The following PLPPR1 variants were observed in gnomAD, a reference collection of about 807,000 sequenced individuals.
The protein encoded by PLPPR1 is phospholipid phosphatase related 1, also known as phospholipid phosphatase-related protein type 1.
PLPPR1 carries 10 observed loss-of-function variants against 33.1 expected under a neutral mutation model. The ratio of observed to expected loss-of-function variants is 0.30; its 90% CI spans 0.19 to 0.51. The LOEUF (loss-of-function observed/expected upper bound fraction) is 0.51. PLPPR1 is among the 20% of genes least tolerant of loss of function. The probability of loss-of-function intolerance (pLI) is 0.97; values close to 1 mark genes in which losing one functional copy is unlikely to be tolerated. For synonymous variants in PLPPR1, 151 were observed against 151.0 expected (o/e 1.00, Z 0.00); for missense variants, 304 against 408.1 (o/e 0.74, Z 2.20).
intron 2 of PLPPR1, among the ~76,000 whole-genome samples, chr9:101,265,459 T>C (rs536274365): frequency 4.6e-5 from 7 of 152,196 alleles, no homozygotes; most frequent in South Asian, 2.1e-4. Flanking sequence ...ATGGCCTCCC[T>C]CCATGCATTC....
At chr9:101,296,007 G>A (rs1221020362) in intron 4 of PLPPR1, among the ~76,000 whole-genome samples, 1 of 151,552 alleles carries the variant, frequency 6.6e-6, no homozygotes, top group African/African-American at 2.4e-5. Flanking sequence ...CCATCAGAGT[G>A]AACAGGCAAC....
intron 1 of PLPPR1, among the ~76,000 whole-genome samples, chr9:101,184,247 T>G (rs1218310493): frequency 6.6e-6 from 1 of 151,852 alleles, no homozygotes; most frequent in Non-Finnish European, 1.5e-5. Flanking sequence ...ATACTGTGGT[T>G]GGTATGGATT....
intron 1 of PLPPR1, among the ~76,000 whole-genome samples, chr9:101,102,124 A>ACCTTCAAGGAGTTTACAAGC (rs1830909819): frequency 1.2e-5 from 1 of 80,012 alleles, no homozygotes; most frequent in Non-Finnish European, 2.4e-5. Flanking sequence ...TGTGGTTCCT[A>ACCTTCAAGGAGTTTACAAGC]TTATAGCTTT....
chr9:101,318,281 G>GA (rs140693321), intron 7 of PLPPR1, among the ~76,000 whole-genome samples: 1 of 152,066 alleles, frequency 6.6e-6, no homozygotes, highest in Non-Finnish European at 1.5e-5. Context: ...AAATGAAGGG[G>GA]AAAAAAATCT....
At chr9:101,238,268 TATATATACATC>T in intron 2 of PLPPR1, among the ~76,000 whole-genome samples, 1 of 136,318 alleles carries the variant, frequency 7.3e-6, no homozygotes, top group African/African-American at 2.7e-5. Context: ...ATATACACCC[TATATATACATC>T]CTATATACAT....
intron 2 of PLPPR1, among the ~76,000 whole-genome samples, chr9:101,211,296 A>G (rs750276891): frequency 4.6e-5 from 7 of 152,210 alleles, no homozygotes; most frequent in Non-Finnish European, 1.0e-4. Context: ...CATACACACC[A>G]TCATCAAACA....
intron 2 of PLPPR1, among the ~76,000 whole-genome samples, chr9:101,236,230 C>G (rs1459095869): frequency 6.6e-6 from 1 of 151,688 alleles, no homozygotes; most frequent in African/African-American, 2.4e-5. Flanking sequence ...TATCTTTAAA[C>G]AATTCCAAAA....
At chr9:101,193,929 A>G (rs1826345400) in intron 2 of PLPPR1, among the ~76,000 whole-genome samples, 1 of 152,214 alleles carries the variant, frequency 6.6e-6, no homozygotes, top group Non-Finnish European at 1.5e-5. Context: ...GATAACAAAG[A>G]TAGAGTAAGG....
At chr9:101,149,595 G>A (rs1275587580) in intron 1 of PLPPR1, among the ~76,000 whole-genome samples, 4 of 152,196 alleles carry the variant, frequency 2.6e-5, no homozygotes, top group African/African-American at 9.6e-5. Flanking sequence ...CATTTCTTTA[G>A]AATTTTATCC....
At chr9:101,160,938 C>A (rs1831764591) in intron 1 of PLPPR1, among the ~76,000 whole-genome samples, 2 of 152,130 alleles carry the variant, frequency 1.3e-5, no homozygotes, top group Non-Finnish European at 2.9e-5. Context: ...AAACATTATA[C>A]CCCTTCAGCT....
At chr9:101,266,454 A>G (rs991402320) in intron 2 of PLPPR1, among the ~76,000 whole-genome samples, 2 of 151,388 alleles carry the variant, frequency 1.3e-5, no homozygotes, top group Non-Finnish European at 2.9e-5. Context: ...TACAAGGAAG[A>G]GTTTCTGGCT....
intron 2 of PLPPR1, among the ~76,000 whole-genome samples, chr9:101,241,628 A>G (rs954954209): frequency 1.3e-5 from 2 of 152,082 alleles, no homozygotes; most frequent in Non-Finnish European, 2.9e-5. Context: ...CCTTATGGCA[A>G]TGGCTACTCA....
At chr9:101,062,611 A>T (rs1008507077) in intron 1 of PLPPR1, among the ~76,000 whole-genome samples, 1 of 152,116 alleles carries the variant, frequency 6.6e-6, no homozygotes, top group Non-Finnish European at 1.5e-5. Context: ...AGAACATCTT[A>T]TGACACATTG....
intron 1 of PLPPR1, among the ~76,000 whole-genome samples, chr9:101,087,736 G>A (rs1307534931): frequency 6.6e-6 from 1 of 152,206 alleles, no homozygotes; most frequent in East Asian, 1.9e-4. Context: ...GATTATCTGG[G>A]AAGTGGGAAG....
In PLPPR1 at chr9:101,275,428, G is replaced by A. The variant is rs1276880567; in HGVS notation, c.252+5360G>A. 5.9e-5 allele frequency among the ~76,000 whole-genome samples: 9 copies of A among 152,106 alleles called. No homozygotes were observed. In the South Asian group the frequency reaches 8.3e-4, roughly 14 times the overall value. ...AAAGATCAGCATCATATTGAGACACGGCCACATGGGATAAATCGCAAAAGG... is the reference window on the plus strand; with the variant it reads ...AAAGATCAGCATCATATTGAGACACAGCCACATGGGATAAATCGCAAAAGG... On this transcript the variant is annotated intron_variant, in intron 3 of 7. Coordinates refer to ENST00000374874, the MANE Select transcript of PLPPR1 (RefSeq NM_207299.2).
chr9:101,302,795 T>C (rs934885979), intron 4 of PLPPR1, among the ~76,000 whole-genome samples: 2 of 152,190 alleles, frequency 1.3e-5, no homozygotes, highest in African/African-American at 4.8e-5. Context: ...CGTTTTCTCA[T>C]TTTGTGGACA....
At chr9:101,186,742 C>T (rs1203093990) in intron 2 of PLPPR1, among the ~76,000 whole-genome samples, 1 of 151,796 alleles carries the variant, frequency 6.6e-6, no homozygotes, top group Admixed American at 6.6e-5. Flanking sequence ...ACCTTATAGA[C>T]ATTGCTTGGT....
At chr9:101,106,257 A>G (rs865995192) in intron 1 of PLPPR1, among the ~76,000 whole-genome samples, 4 of 139,778 alleles carry the variant, frequency 2.9e-5, no homozygotes, top group African/African-American at 5.6e-5. Flanking sequence ...TGGTCTTTAC[A>G]TTTTGGCATG....
At chr9:101,276,540 G>A (rs529423901) in intron 3 of PLPPR1, among the ~76,000 whole-genome samples, 1 of 151,954 alleles carries the variant, frequency 6.6e-6, no homozygotes, top group African/African-American at 2.4e-5. Flanking sequence ...AATATTGTTT[G>A]CCTAAAAATA....
Sources: gnomAD v4.1 joint callset for allele counts (sites outside exome capture counted in the v4.1 genomes callset) on GRCh38, gnomAD v4.1.1 for gene constraint, MANE v1.5 for transcripts, NCBI Gene and HGNC (gene_info 2026-07-23, HGNC 2026-07-21) for gene names.